ADAM23: variants seen among roughly 807,000 people sequenced by gnomAD.
ADAM23 encodes the protein ADAM metallopeptidase domain 23, also known as disintegrin and metalloproteinase domain-containing protein 23.
In ADAM23, 33 loss-of-function variants were observed where a neutral mutation model predicts 120.1. That is an observed-to-expected ratio of 0.27 (90% CI 0.21 to 0.37). The LOEUF is 0.37. Among genes scored for constraint, ADAM23 ranks in the 10% least tolerant of loss-of-function variants. The pLI is 1.00. For synonymous variants in ADAM23, 367 were observed against 375.2 expected, an observed-to-expected ratio of 0.98 and a Z score of 0.25; for missense variants, 862 against 1,058.2, an observed-to-expected ratio of 0.81 and a Z score of 2.57.
intron 21 of ADAM23, among the ~76,000 whole-genome samples, chr2:206,591,422 A>G (rs986136288): frequency 6.6e-6 from 1 of 152,108 alleles, no homozygotes; most frequent in Non-Finnish European, 1.5e-5. Flanking sequence ...TTTGCTTCTC[A>G]AGTCCAGCAT....
chr2:206,473,412 A>T (rs1008294949), intron 2 of ADAM23, among the ~76,000 whole-genome samples: 6 of 152,044 alleles, frequency 3.9e-5, no homozygotes, highest in Non-Finnish European at 7.4e-5. Context: ...GTAATTAATC[A>T]TGCTTATATT....
intron 3 of ADAM23, among the ~76,000 whole-genome samples, chr2:206,482,149 C>A (rs1695910734): frequency 6.6e-6 from 1 of 152,114 alleles, no homozygotes. Context: ...TTATAAAGAA[C>A]AACTATTAAA....
intron 9 of ADAM23, among the ~76,000 whole-genome samples, chr2:206,553,287 T>C (rs772612096): frequency 1.3e-5 from 2 of 151,788 alleles, no homozygotes; most frequent in Non-Finnish European, 2.9e-5. Context: ...AATTAAAAAA[T>C]TAGCCGGAGG....
intron 4 of ADAM23, among the ~76,000 whole-genome samples, chr2:206,537,961 A>G (rs1230894936): frequency 6.6e-6 from 1 of 152,230 alleles, no homozygotes; most frequent in African/African-American, 2.4e-5. Flanking sequence ...ATCATTCAAA[A>G]TATTGACCTT....
At chr2:206,464,719 C>T (rs1198438454) in intron 2 of ADAM23, among the ~76,000 whole-genome samples, 1 of 152,148 alleles carries the variant, frequency 6.6e-6, no homozygotes, top group Admixed American at 6.5e-5. Context: ...CAACACTCCC[C>T]CATAGGACAT....
chr2:206,490,258 C>CTCACA (rs1484633841), intron 3 of ADAM23, among the ~76,000 whole-genome samples: 13 of 152,196 alleles, frequency 8.5e-5, no homozygotes, highest in African/African-American at 3.1e-4. Flanking sequence ...GGACTTCTAG[C>CTCACA]CTTCCGAACT....
In ADAM23 at chr2:206,466,800, G is replaced by A. The variant is rs141221775; in HGVS notation, c.433-14432G>A. On this transcript the variant is annotated intron_variant, in intron 2 of 25. Transcript: ENST00000264377. ...AAATCTCATGACAGCTCACTACTGC[G>A]ATGCCAGCTCCAAGGGGGATGGCTC... 3.1e-3 allele frequency among the ~76,000 whole-genome samples: 471 copies of A among 152,272 alleles called. 3 individuals are homozygous for A. The highest frequency in any genetic ancestry group is 0.011 in the African/African-American group (449 of 41,568).
intron 11 of ADAM23, 125 bp downstream of exon 11, chr2:206,560,243 G>A (rs1481164279): frequency 3.0e-6 from 3 of 1,013,432 alleles, no homozygotes; most frequent in Admixed American, 5.5e-5. Context: ...GGGTTCCTTT[G>A]TCTGTTAGAT....
chr2:206,531,047 T>A, intron 4 of ADAM23, 99 bp downstream of exon 4: 1 of 797,210 alleles, frequency 1.3e-6, no homozygotes, highest in Middle Eastern at 2.4e-4. Context: ...CTCAGTAAAA[T>A]CACCTGTGCT....
intron 20 of ADAM23, among the ~76,000 whole-genome samples, chr2:206,588,528 T>G (rs951176185): frequency 1.2e-4 from 18 of 152,366 alleles, no homozygotes; most frequent in African/African-American, 3.4e-4. Context: ...GTTAGCTTTC[T>G]GGTTTTTACC....
At chr2:206,608,268 T>C (rs1698766369) in intron 24 of ADAM23, among the ~76,000 whole-genome samples, 1 of 152,310 alleles carries the variant, frequency 6.6e-6, no homozygotes, top group Admixed American at 6.5e-5. Context: ...CGATAAAACT[T>C]TTTTGCAAAA....
intron 6 of ADAM23, among the ~76,000 whole-genome samples, chr2:206,543,761 ACACACACACG>A (rs1297923669): frequency 6.6e-6 from 1 of 152,140 alleles, no homozygotes; most frequent in East Asian, 1.9e-4. Context: ...ACACACACAC[ACACACACACG>A]CACACGCACC....
chr2:206,465,316 A>G (rs1695521902), intron 2 of ADAM23, among the ~76,000 whole-genome samples: 1 of 152,176 alleles, frequency 6.6e-6, no homozygotes, highest in Non-Finnish European at 1.5e-5. Flanking sequence ...TTGAGATTAC[A>G]GGTGTGAGCC....
chr2:206,479,684 C>G (rs898600845), intron 2 of ADAM23, among the ~76,000 whole-genome samples: 1 of 152,104 alleles, frequency 6.6e-6, no homozygotes, highest in Admixed American at 6.6e-5. Context: ...CTCTCTCTCT[C>G]TCTCTTTCTC....
chr2:206,492,134 C>G (rs1341204733), intron 3 of ADAM23, among the ~76,000 whole-genome samples: 1 of 152,180 alleles, frequency 6.6e-6, no homozygotes, highest in Non-Finnish European at 1.5e-5. Flanking sequence ...CTGAGAAGTA[C>G]TGTGATGGGG....
intron 9 of ADAM23, among the ~76,000 whole-genome samples, chr2:206,553,861 T>C (rs1483885217): frequency 6.6e-6 from 1 of 152,214 alleles, no homozygotes; most frequent in African/African-American, 2.4e-5. Context: ...TTACAATCTT[T>C]ATACTATACG....
intron 4 of ADAM23, among the ~76,000 whole-genome samples, chr2:206,536,495 A>G (rs1263935449): frequency 2.0e-5 from 3 of 152,152 alleles, no homozygotes; most frequent in African/African-American, 4.8e-5. Flanking sequence ...TTGCAGTTAT[A>G]TAGGCTCTAA....
At chr2:206,612,809 T>C (rs1698851765) in intron 25 of ADAM23, among the ~76,000 whole-genome samples, 1 of 152,208 alleles carries the variant, frequency 6.6e-6, no homozygotes, top group Non-Finnish European at 1.5e-5. Flanking sequence ...TGTGAATGTG[T>C]GCACATTTGT....
At chr2:206,579,320 C>T (rs1463444219) in intron 18 of ADAM23, among the ~76,000 whole-genome samples, 3 of 152,050 alleles carry the variant, frequency 2.0e-5, no homozygotes, top group East Asian at 3.9e-4. Flanking sequence ...AAGCCAATGT[C>T]TAGAAGGGTT....
Sources: gnomAD v4.1 joint callset for allele counts (sites outside exome capture counted in the v4.1 genomes callset) on GRCh38, gnomAD v4.1.1 for gene constraint, MANE v1.5 for transcripts, NCBI Gene and HGNC (gene_info 2026-07-23, HGNC 2026-07-21) for gene names.